UNC5D: variants seen among roughly 807,000 people sequenced by gnomAD.
The protein encoded by UNC5D is netrin receptor UNC5D.
Under a neutral mutation model 105.4 loss-of-function variants are expected in UNC5D, and 39 were observed. The observed-to-expected ratio is 0.37, with a 90% CI of 0.29 to 0.48. The LOEUF is 0.48. UNC5D is among the 20% of genes least tolerant of loss of function. The pLI, the probability that UNC5D is intolerant of heterozygous loss-of-function variation, is 0.98. For missense variants in UNC5D, 991 were observed against 1,202.4 expected (o/e 0.82, Z 2.60); for synonymous variants, 452 against 450.4 (o/e 1.00, Z -0.04).
At chr8:35,712,415 G>A (rs1246221197) in intron 8 of UNC5D, among the ~76,000 whole-genome samples, 2 of 152,124 alleles carry the variant, frequency 1.3e-5, no homozygotes, top group Non-Finnish European at 2.9e-5. Flanking sequence ...TTAATACAAG[G>A]CAGAAAGAAG....
intron 1 of UNC5D, among the ~76,000 whole-genome samples, chr8:35,409,005 G>C (rs1804984110): frequency 6.6e-6 from 1 of 152,058 alleles, no homozygotes; most frequent in Non-Finnish European, 1.5e-5. Context: ...ATTTTCTAAA[G>C]TATCTTATAA....
intron 1 of UNC5D, among the ~76,000 whole-genome samples, chr8:35,507,119 G>A (rs1812364430): frequency 1.4e-5 from 2 of 142,700 alleles, no homozygotes. Context: ...GCAGTGGCGG[G>A]ATCTCGGCTC....
intron 2 of UNC5D, among the ~76,000 whole-genome samples, chr8:35,557,775 AGCTTGT>A (rs1816657439): frequency 6.6e-6 from 1 of 151,836 alleles, no homozygotes. Context: ...ATCTCGTAGC[AGCTTGT>A]GCTTCTGGTG....
At chr8:35,677,408 G>A (rs867832609) in intron 4 of UNC5D, among the ~76,000 whole-genome samples, 19 of 152,090 alleles carry the variant, frequency 1.2e-4, no homozygotes, top group African/African-American at 3.6e-4. Context: ...CCACTTCACT[G>A]ATTTATGTTA....
chr8:35,772,777 T>C (rs1222177134), intron 15 of UNC5D, among the ~76,000 whole-genome samples: 1 of 150,118 alleles, frequency 6.7e-6, no homozygotes, highest in Non-Finnish European at 1.5e-5. Context: ...GGCCAGGGCA[T>C]GTTCTCATCT....
chr8:35,673,154 C>A (rs984732623), intron 4 of UNC5D, among the ~76,000 whole-genome samples: 1 of 152,084 alleles, frequency 6.6e-6, no homozygotes, highest in South Asian at 2.1e-4. Context: ...GTGTAGGTGG[C>A]TTTAAAATCA....
At chr8:35,692,476 A>G (rs2131378849) in intron 7 of UNC5D, among the ~76,000 whole-genome samples, 1 of 152,332 alleles carries the variant, frequency 6.6e-6, no homozygotes, top group South Asian at 2.1e-4. Flanking sequence ...CTACACATTT[A>G]AAACAACTTA....
In UNC5D at chr8:35,719,311, A is replaced by T. The variant is rs527834079; in HGVS notation, c.1118-2899A>T. Among the ~76,000 whole-genome samples, 10 of 152,330 alleles carry T rather than the reference A, an allele frequency of 6.6e-5. No homozygotes were observed. The East Asian group carries it at 1.9e-3, about 29-fold the overall frequency. On this transcript the variant is annotated intron_variant, in intron 8 of 16. Coordinates refer to ENST00000404895, the MANE Select transcript of UNC5D (RefSeq NM_080872.4). ...TAAACACACAGAAATCTTTACAAAG[A>T]AAGCCACTGTGTACTCTTGGAAAGA...
At chr8:35,615,479 G>A (rs1820976716) in intron 4 of UNC5D, among the ~76,000 whole-genome samples, 1 of 151,986 alleles carries the variant, frequency 6.6e-6, no homozygotes, top group Non-Finnish European at 1.5e-5. Context: ...CCCTTCCCAG[G>A]TGACGCTGAT....
At chr8:35,322,117 GTGTTGTGAAAGAAGTCCACATTATCA>G (rs1809794196) in intron 1 of UNC5D, among the ~76,000 whole-genome samples, 2 of 152,154 alleles carry the variant, frequency 1.3e-5, no homozygotes, top group Non-Finnish European at 2.9e-5. Flanking sequence ...AGTGTTATGA[GTGTTGTGAAAGAAGTCCACATTATCA>G]TTATGTAAGC....
intron 2 of UNC5D, among the ~76,000 whole-genome samples, chr8:35,561,531 TG>T (rs956163838): frequency 2.0e-5 from 3 of 152,170 alleles, no homozygotes; most frequent in African/African-American, 7.2e-5. Context: ...AAAAAAATCC[TG>T]GGTATTCTTA....
intron 1 of UNC5D, among the ~76,000 whole-genome samples, chr8:35,436,606 C>T (rs1002885175): frequency 2.0e-5 from 3 of 151,948 alleles, no homozygotes; most frequent in African/African-American, 4.8e-5. Context: ...TTGATGGTGT[C>T]ATACAGAAAT....
chr8:35,417,527 A>G (rs1805609071), intron 1 of UNC5D, among the ~76,000 whole-genome samples: 1 of 152,164 alleles, frequency 6.6e-6, no homozygotes. Context: ...ATTTGAAAAA[A>G]GTTAGTGTGC....
intron 16 of UNC5D, among the ~76,000 whole-genome samples, chr8:35,777,713 C>T (rs1802319072): frequency 6.6e-6 from 1 of 152,108 alleles, no homozygotes; most frequent in Non-Finnish European, 1.5e-5. Context: ...TGCCAGTATG[C>T]TATATTCACA....
At chr8:35,756,384 T>A (rs571841173) in intron 13 of UNC5D, among the ~76,000 whole-genome samples, 16 of 152,166 alleles carry the variant, frequency 1.1e-4, no homozygotes, top group African/African-American at 3.9e-4. Context: ...ATCTATTTTT[T>A]AAATTCTTAA....
At chr8:35,344,270 A>G (rs2128904770) in intron 1 of UNC5D, among the ~76,000 whole-genome samples, 1 of 152,164 alleles carries the variant, frequency 6.6e-6, no homozygotes, top group East Asian at 1.9e-4. Flanking sequence ...GACCCGGCTG[A>G]CCTTCTGGGC....
intron 7 of UNC5D, among the ~76,000 whole-genome samples, chr8:35,698,215 A>T (rs566136831): frequency 4.6e-5 from 7 of 150,764 alleles, no homozygotes; most frequent in African/African-American, 1.7e-4. Context: ...TAATTAGCAT[A>T]TCCATCACCT....
At chr8:35,635,176 G>A (rs931247110) in intron 4 of UNC5D, among the ~76,000 whole-genome samples, 16 of 152,118 alleles carry the variant, frequency 1.1e-4, no homozygotes, top group African/African-American at 3.4e-4. Context: ...GTTTTGGGGA[G>A]ACTGTATCCC....
chr8:35,782,946 G>C (rs1431328391), intron 16 of UNC5D, among the ~76,000 whole-genome samples: 1 of 151,960 alleles, frequency 6.6e-6, no homozygotes, highest in African/African-American at 2.4e-5. Flanking sequence ...GTGAGCCCTG[G>C]CAACATTGTG....
Sources: allele counts gnomAD v4.1 joint callset (sites outside exome capture counted in the v4.1 genomes callset), GRCh38; gene constraint gnomAD v4.1.1; transcripts MANE v1.5; gene names NCBI Gene and HGNC (gene_info 2026-07-23, HGNC 2026-07-21).